The following DCDC1 variants were observed in gnomAD, a reference collection of about 807,000 sequenced individuals.
The protein encoded by DCDC1 is doublecortin domain-containing protein 1.
A neutral mutation model predicts 178.3 loss-of-function variants in DCDC1; 200 were observed. The ratio of observed to expected loss-of-function variants is 1.12; its 90% confidence interval spans 1.00 to 1.26. DCDC1 has a LOEUF of 1.26. DCDC1 is among the 50% of genes most tolerant of loss of function. The probability of loss-of-function intolerance (pLI) is 0.00; values close to 1 mark genes in which losing one functional copy is unlikely to be tolerated. For synonymous variants in DCDC1, 690 were observed against 604.8 expected (o/e 1.14, Z -2.07); for missense variants, 1,983 against 1,749.2 (o/e 1.13, Z -2.38).
chr11:30,986,555 T>C (rs2134866312), intron 20 of DCDC1, among the ~76,000 whole-genome samples: 1 of 152,184 alleles, frequency 6.6e-6, no homozygotes, highest in East Asian at 1.9e-4. Context: ...ATGGTCTCCA[T>C]CTCGTGACCT....
At chr11:31,337,273 T>C (rs1415069058) in intron 1 of DCDC1, among the ~76,000 whole-genome samples, 3 of 152,200 alleles carry the variant, frequency 2.0e-5, no homozygotes, top group Non-Finnish European at 4.4e-5. Context: ...AATTCAACTG[T>C]TTGTGTATCC....
intron 7 of DCDC1, among the ~76,000 whole-genome samples, chr11:31,288,663 A>G (rs1193776467): frequency 6.6e-6 from 1 of 151,892 alleles, no homozygotes; most frequent in Non-Finnish European, 1.5e-5. Context: ...TACATTACTT[A>G]GTAGTAATTG....
At chr11:31,062,379 C>G (rs547327875) in intron 20 of DCDC1, among the ~76,000 whole-genome samples, 1 of 152,104 alleles carries the variant, frequency 6.6e-6, no homozygotes, top group Non-Finnish European at 1.5e-5. Context: ...AAACATCAGA[C>G]AAGGACTTTC....
intron 9 of DCDC1, among the ~76,000 whole-genome samples, chr11:31,175,181 C>T (rs1967824397): frequency 6.6e-6 from 1 of 152,176 alleles, no homozygotes; most frequent in African/African-American, 2.4e-5. Context: ...TTTCCCAGTG[C>T]CAGCCATGGG....
chr11:30,948,673 C>T (rs1003927235), intron 21 of DCDC1, among the ~76,000 whole-genome samples: 1 of 152,132 alleles, frequency 6.6e-6, no homozygotes, highest in African/African-American at 2.4e-5. Flanking sequence ...ACCAATGGAA[C>T]AGAACGGAGG....
intron 9 of DCDC1, among the ~76,000 whole-genome samples, chr11:31,140,446 A>C (rs1963682721): frequency 6.6e-6 from 1 of 152,212 alleles, no homozygotes; most frequent in Admixed American, 6.5e-5. Flanking sequence ...CATTGTGCAC[A>C]TGAAAATCTA....
intron 15 of DCDC1, among the ~76,000 whole-genome samples, chr11:31,101,407 A>G (rs987546381): frequency 5.9e-5 from 9 of 152,136 alleles, no homozygotes; most frequent in African/African-American, 1.2e-4. Context: ...ATAAATTTCT[A>G]AGTGTAAATT....
intron 12 of DCDC1, among the ~76,000 whole-genome samples, chr11:31,109,215 C>T (rs1959041530): frequency 6.6e-6 from 1 of 151,246 alleles, no homozygotes; most frequent in African/African-American, 2.4e-5. Flanking sequence ...GCATCCCAGG[C>T]TCAAGTGATC....
intron 36 of DCDC1, among the ~76,000 whole-genome samples, chr11:30,889,323 C>A (rs576252165): frequency 7.4e-4 from 112 of 152,266 alleles, no homozygotes; most frequent in South Asian, 6.0e-3. Flanking sequence ...AAGAACATGG[C>A]TAAATCATCC....
At chr11:31,032,755 G>C (rs1460087355) in intron 20 of DCDC1, among the ~76,000 whole-genome samples, 1 of 152,148 alleles carries the variant, frequency 6.6e-6, no homozygotes, top group African/African-American at 2.4e-5. Context: ...TGAAGTTGTG[G>C]GGACAGTTTT....
chr11:30,864,126 C>CA lies in DCDC1; in HGVS notation c.*1246dup, dbSNP rs57003245. The CA allele has an allele frequency of 8.3e-4, 118 of 141,672 alleles. No homozygotes were observed. Among genetic ancestry groups the CA allele is most frequent in the East Asian group, 3.7e-3 (18 of 4,928 alleles). The allele number at this position is 141,672 out of a possible 1,614,324, so 8.8% of individuals were successfully genotyped here. On this transcript the variant is annotated 3_prime_UTR_variant, in exon 39 of 39. Coordinates refer to ENST00000684477, the MANE Select transcript of DCDC1 (RefSeq NM_001387274.1). The stretch of plus-strand genomic sequence containing the variant: ...TGGGCAACAGAGTGAGACTCCATCT[C>CA]AAAAAAAAAAAATTGCATATCTGTA...
rs1218929828 is a variant in DCDC1 at position 31,212,266 on chromosome 11, ATACCCT to A, written c.1221+29178_1221+29183del. 1.1e-4 allele frequency among the ~76,000 whole-genome samples: 16 copies of A among 152,270 alleles called. No individual in the cohort carries two copies. In the East Asian group the frequency reaches 2.5e-3, roughly 24 times the overall value. ...AAAATAAATATACTAGAGGAAAAAT[ATACCCT>A]TACAATGCGAAAATTTTGTTTTTCC... On this transcript the variant is annotated intron_variant, in intron 9 of 38. Coordinates refer to ENST00000684477, the MANE Select transcript of DCDC1 (RefSeq NM_001387274.1).
intron 20 of DCDC1, among the ~76,000 whole-genome samples, chr11:30,969,413 G>A (rs565208277): frequency 6.6e-6 from 1 of 152,216 alleles, no homozygotes; most frequent in African/African-American, 2.4e-5. Flanking sequence ...AAGCTGAGAG[G>A]CAAGGAATGT....
intron 20 of DCDC1, among the ~76,000 whole-genome samples, chr11:30,979,541 C>T (rs1008828033): frequency 6.6e-6 from 1 of 152,166 alleles, no homozygotes; most frequent in Non-Finnish European, 1.5e-5. Context: ...AACACTTTCA[C>T]TTACCAGCCT....
At position 31,063,065 on chromosome 11, in the gene DCDC1, G is replaced by T. The variant is rs1168633433; in HGVS notation, c.2591+1404C>A. ...GGATATGAACAGACACTTCTCAAAA[G>T]AATACATTTATGCAGCCAAAAAACA... is the stretch of plus-strand genomic sequence containing the variant. On this transcript the variant is annotated intron_variant, in intron 20 of 38. Transcript: ENST00000684477. Among the ~76,000 whole-genome samples the T allele has an allele frequency of 1.3e-4, 19 of 149,130 alleles. No individual in the cohort carries two copies. In the Admixed American group the frequency reaches 1.3e-3, roughly 10 times the overall value.
At chr11:31,073,426 T>A (rs1468737089) in intron 18 of DCDC1, among the ~76,000 whole-genome samples, 1 of 152,238 alleles carries the variant, frequency 6.6e-6, no homozygotes, top group Non-Finnish European at 1.5e-5. Context: ...TTGATTCTGC[T>A]TTTCTATGTC....
intron 21 of DCDC1, among the ~76,000 whole-genome samples, chr11:30,938,916 C>T (rs561597702): frequency 4.2e-4 from 62 of 146,392 alleles, no homozygotes; most frequent in African/African-American, 1.4e-3. Flanking sequence ...TCAGCTGGTC[C>T]TCATGTCTGA....
chr11:30,927,062 C>T (rs913376426), intron 22 of DCDC1, among the ~76,000 whole-genome samples: 1 of 152,126 alleles, frequency 6.6e-6, no homozygotes, highest in Non-Finnish European at 1.5e-5. Context: ...TCTTTCCAAA[C>T]CGTAACAAAA....
chr11:31,121,797 G>A (rs1330700631), intron 11 of DCDC1, among the ~76,000 whole-genome samples: 1 of 151,948 alleles, frequency 6.6e-6, no homozygotes, highest in African/African-American at 2.4e-5. Context: ...ATCATGAAAT[G>A]AAGTTTAGAA....
Sources: allele counts gnomAD v4.1 joint callset (sites outside exome capture counted in the v4.1 genomes callset), GRCh38; gene constraint gnomAD v4.1.1; transcripts MANE v1.5; gene names NCBI Gene and HGNC (gene_info 2026-07-23, HGNC 2026-07-21).